Variants in RIT2 observed in about 807,000 individuals in gnomAD.
The protein encoded by RIT2 is GTP-binding protein Rit2.
RIT2 carries 24 observed loss-of-function variants against 23.7 expected under a neutral mutation model. The observed-to-expected ratio is 1.01, with a 90% confidence interval of 0.73 to 1.43. RIT2 has a LOEUF of 1.43. Among genes scored for constraint, RIT2 ranks in the 40% most tolerant of loss-of-function variants. The probability of loss-of-function intolerance (pLI) is 0.00; values close to 1 mark genes in which losing one functional copy is unlikely to be tolerated. For synonymous variants in RIT2, 107 were observed against 91.1 expected (o/e 1.17, Z -0.99); for missense variants, 236 against 266.9 (o/e 0.88, Z 0.81).
chr18:42,935,105 G>T (rs1013826620), intron 3 of RIT2, among the ~76,000 whole-genome samples: 3 of 152,014 alleles, frequency 2.0e-5, no homozygotes, highest in Non-Finnish European at 2.9e-5. Context: ...AGAAACAGCT[G>T]GGACAAAGAA....
chr18:42,783,515 T>G (rs778420563), intron 4 of RIT2, among the ~76,000 whole-genome samples: 1 of 150,138 alleles, frequency 6.7e-6, no homozygotes, highest in Non-Finnish European at 1.5e-5. Context: ...ACACTTAAAT[T>G]TTTTTTCTAT....
intron 1 of RIT2, among the ~76,000 whole-genome samples, chr18:43,102,639 CATTT>C (rs138870768): frequency 6.6e-6 from 1 of 151,230 alleles, no homozygotes; most frequent in Non-Finnish European, 1.5e-5. Flanking sequence ...TTTAATTCAG[CATTT>C]ATTTATTTAT....
intron 1 of RIT2, among the ~76,000 whole-genome samples, chr18:43,043,068 G>A (rs1435539113): frequency 2.0e-5 from 3 of 151,766 alleles, no homozygotes; most frequent in Non-Finnish European, 2.9e-5. Flanking sequence ...AGAAATTATA[G>A]GATTTTTATT....
At chr18:42,883,575 G>C (rs1191736068) in intron 4 of RIT2, among the ~76,000 whole-genome samples, 1 of 152,056 alleles carries the variant, frequency 6.6e-6, no homozygotes, top group African/African-American at 2.4e-5. Context: ...GAGAGGACAA[G>C]CAAATCTTTT....
At chr18:43,026,626 AAGAAAGAAAG>A (rs1192809877) in intron 2 of RIT2, among the ~76,000 whole-genome samples, 58 of 127,018 alleles carry the variant, frequency 4.6e-4, no homozygotes, top group Non-Finnish European at 6.3e-4. Context: ...GAAAGAAAGA[AAGAAAGAAAG>A]AGAGAAAGAA....
intron 3 of RIT2, among the ~76,000 whole-genome samples, chr18:42,925,414 T>A (rs140558548): frequency 1.3e-5 from 2 of 152,112 alleles, no homozygotes; most frequent in East Asian, 3.9e-4. Context: ...AAAGAAATTA[T>A]AAAATCATCT....
At chr18:42,993,612 A>C (rs913082135) in intron 2 of RIT2, among the ~76,000 whole-genome samples, 1 of 152,076 alleles carries the variant, frequency 6.6e-6, no homozygotes, top group Admixed American at 6.6e-5. Flanking sequence ...CTTTTTAGTT[A>C]TCCCCACCTG....
At chr18:42,965,735 T>TTTTTTTTTTG (rs1910206230) in intron 3 of RIT2, among the ~76,000 whole-genome samples, 1 of 127,384 alleles carries the variant, frequency 7.9e-6, no homozygotes, top group African/African-American at 2.9e-5. Flanking sequence ...TTTTTTTTTT[T>TTTTTTTTTTG]TTTTTTTTTT....
intron 2 of RIT2, among the ~76,000 whole-genome samples, chr18:43,024,216 A>G (rs1394951165): frequency 6.6e-6 from 1 of 152,034 alleles, no homozygotes; most frequent in Non-Finnish European, 1.5e-5. Context: ...AGACACATAG[A>G]TCAATGACAC....
chr18:42,745,904 T>C (rs981502878), intron 4 of RIT2, among the ~76,000 whole-genome samples: 2 of 152,158 alleles, frequency 1.3e-5, no homozygotes, highest in East Asian at 1.9e-4. Context: ...CTATATTTAT[T>C]GGCTTTCATT....
intron 3 of RIT2, among the ~76,000 whole-genome samples, chr18:42,961,516 A>T (rs1355866032): frequency 6.6e-6 from 1 of 152,182 alleles, no homozygotes; most frequent in Non-Finnish European, 1.5e-5. Context: ...ACTGGCTTTC[A>T]CTCGTAACCA....
At chr18:43,084,882 T>G (rs1207539843) in intron 1 of RIT2, among the ~76,000 whole-genome samples, 2 of 152,086 alleles carry the variant, frequency 1.3e-5, no homozygotes, top group Non-Finnish European at 1.5e-5. Context: ...ATATATCCCT[T>G]AAAGTATAAT....
intron 1 of RIT2, among the ~76,000 whole-genome samples, chr18:43,048,156 C>A (rs1312075198): frequency 6.6e-6 from 1 of 152,156 alleles, no homozygotes; most frequent in Admixed American, 6.5e-5. Flanking sequence ...GTTCCTTTAA[C>A]AACCATTTTA....
chr18:43,056,061 G>T (rs1912495674), intron 1 of RIT2, among the ~76,000 whole-genome samples: 1 of 152,036 alleles, frequency 6.6e-6, no homozygotes, highest in South Asian at 2.1e-4. Context: ...TTTATGTACA[G>T]GGTCCAGTCC....
chr18:42,749,363 A>T (rs1912992730), intron 4 of RIT2, among the ~76,000 whole-genome samples: 1 of 151,896 alleles, frequency 6.6e-6, no homozygotes, highest in East Asian at 1.9e-4. Context: ...GCATGTTTTT[A>T]AAAAGCATAA....
intron 2 of RIT2, among the ~76,000 whole-genome samples, chr18:42,991,012 C>T (rs1473429784): frequency 6.7e-6 from 1 of 148,824 alleles, no homozygotes; most frequent in Non-Finnish European, 1.5e-5. Context: ...ATGGACTAGA[C>T]TCCCAAGTCT....
intron 2 of RIT2, among the ~76,000 whole-genome samples, chr18:43,016,608 T>TTA (rs1911481255): frequency 6.6e-6 from 1 of 151,924 alleles, no homozygotes; most frequent in Admixed American, 6.6e-5. Flanking sequence ...CAACTCTAAA[T>TTA]GACTGCGTCC....
At chr18:43,066,849 T>G (rs1330570322) in intron 1 of RIT2, among the ~76,000 whole-genome samples, 1 of 151,534 alleles carries the variant, frequency 6.6e-6, no homozygotes, top group African/African-American at 2.4e-5. Context: ...CAATGTTCCT[T>G]TGATGTTTCT....
intron 4 of RIT2, among the ~76,000 whole-genome samples, chr18:42,920,975 A>G (rs1909042222): frequency 6.6e-6 from 1 of 152,054 alleles, no homozygotes; most frequent in Non-Finnish European, 1.5e-5. Context: ...ACAGAAACCT[A>G]ACCTTTCAGA....
Sources: allele counts gnomAD v4.1 joint callset (sites outside exome capture counted in the v4.1 genomes callset), GRCh38; gene constraint gnomAD v4.1.1; transcripts MANE v1.5; gene names NCBI Gene and HGNC (gene_info 2026-07-23, HGNC 2026-07-21).